Variants in SPATA16 observed in about 807,000 individuals in gnomAD.
SPATA16 encodes spermatogenesis-associated protein 16.
A neutral mutation model predicts 63.3 loss-of-function variants in SPATA16; 36 were observed. The ratio of observed to expected loss-of-function variants is 0.57; its 90% CI spans 0.44 to 0.75. The LOEUF (loss-of-function observed/expected upper bound fraction) is 0.75. Ranked by LOEUF, SPATA16 falls within the 30% of genes least tolerant of loss-of-function variation. The pLI, the probability that SPATA16 is intolerant of heterozygous loss-of-function variation, is 0.00. For missense variants in SPATA16, 646 were observed against 679.3 expected, an observed-to-expected ratio of 0.95 and a Z score of 0.54; for synonymous variants, 203 against 216.7, an observed-to-expected ratio of 0.94 and a Z score of 0.56.
chr3:173,037,545 A>G (rs1013206189), intron 3 of SPATA16, among the ~76,000 whole-genome samples: 1 of 152,086 alleles, frequency 6.6e-6, no homozygotes, highest in Non-Finnish European at 1.5e-5. Flanking sequence ...ATAACTGGTA[A>G]TAACATAAGA....
At chr3:173,067,830 T>C (rs565713589) in intron 2 of SPATA16, among the ~76,000 whole-genome samples, 20 of 151,770 alleles carry the variant, frequency 1.3e-4, no homozygotes, top group African/African-American at 4.3e-4. Flanking sequence ...CTCTCAAAGC[T>C]CAAGGATAAA....
chr3:173,013,474 T>G (rs186478086), intron 4 of SPATA16, among the ~76,000 whole-genome samples: 53 of 152,304 alleles, frequency 3.5e-4, no homozygotes, highest in Non-Finnish European at 1.0e-4. Flanking sequence ...GTCCAAAGAC[T>G]GGGCCCAGAA....
chr3:172,913,537 A>C (rs1732416285), intron 10 of SPATA16, 124 bp downstream of exon 10: 1 of 903,282 alleles, frequency 1.1e-6, no homozygotes, highest in African/African-American at 1.7e-5. Flanking sequence ...ATTTAATTAA[A>C]AAAGGAAAAC....
At chr3:173,035,846 C>G (rs1735704381) in intron 3 of SPATA16, among the ~76,000 whole-genome samples, 1 of 151,872 alleles carries the variant, frequency 6.6e-6, no homozygotes, top group African/African-American at 2.4e-5. Context: ...ACCAATGTTG[C>G]AAAAGCATGG....
chr3:172,980,723 GGA>G (rs1299751554), intron 4 of SPATA16, among the ~76,000 whole-genome samples: 1 of 151,930 alleles, frequency 6.6e-6, no homozygotes, highest in Non-Finnish European at 1.5e-5. Context: ...ATTTTCTCCT[GGA>G]GCTTTTCTGC....
chr3:172,993,982 C>G (rs986407546), intron 4 of SPATA16, among the ~76,000 whole-genome samples: 3 of 152,106 alleles, frequency 2.0e-5, no homozygotes, highest in Non-Finnish European at 2.9e-5. Context: ...TAGGGAAATT[C>G]AAGTCATGGA....
intron 10 of SPATA16, among the ~76,000 whole-genome samples, chr3:172,904,804 G>A (rs893518034): frequency 1.6e-4 from 25 of 152,202 alleles, no homozygotes; most frequent in African/African-American, 5.8e-4. Flanking sequence ...TTCCACAGGC[G>A]AGGCTTGGGC....
chr3:173,063,526 C>T (rs1264348498), intron 2 of SPATA16, among the ~76,000 whole-genome samples: 4 of 152,140 alleles, frequency 2.6e-5, no homozygotes, highest in East Asian at 1.9e-4. Context: ...GGTCAGCCAA[C>T]GTCTATCATG....
At chr3:173,025,070 T>C (rs1045320229) in intron 3 of SPATA16, among the ~76,000 whole-genome samples, 1 of 151,034 alleles carries the variant, frequency 6.6e-6, no homozygotes, top group African/African-American at 2.4e-5. Flanking sequence ...CTTATAACTT[T>C]TACTGTTAAT....
intron 4 of SPATA16, among the ~76,000 whole-genome samples, chr3:173,008,465 A>G (rs1429988216): frequency 2.6e-5 from 4 of 152,136 alleles, no homozygotes; most frequent in African/African-American, 9.7e-5. Flanking sequence ...CTTTAGTTTC[A>G]GAAGATAAAG....
intron 8 of SPATA16, among the ~76,000 whole-genome samples, chr3:172,923,543 A>G (rs1318383040): frequency 6.6e-6 from 1 of 152,186 alleles, no homozygotes; most frequent in Non-Finnish European, 1.5e-5. Context: ...GAAAAATATT[A>G]AAAAAGGAGA....
intron 3 of SPATA16, among the ~76,000 whole-genome samples, chr3:173,028,893 A>G (rs1039861947): frequency 6.6e-6 from 1 of 152,080 alleles, no homozygotes; most frequent in African/African-American, 2.4e-5. Context: ...TCTGGAAAAC[A>G]TAGTGTGTGA....
chr3:172,925,610 G>T, intron 6 of SPATA16, 118 bp from the exon 7 acceptor site: 1 of 1,229,986 alleles, frequency 8.1e-7, no homozygotes, highest in Non-Finnish European at 1.2e-6. Context: ...AAATGTGAAA[G>T]GTATGAAGTA....
chr3:172,966,837 G>T (rs548256681), intron 5 of SPATA16, among the ~76,000 whole-genome samples: 1 of 152,200 alleles, frequency 6.6e-6, no homozygotes, highest in South Asian at 2.1e-4. Flanking sequence ...AAAATTTCAT[G>T]ATTTCATGGA....
In SPATA16 at chr3:173,074,019, C is replaced by A. The variant is rs371398529; in HGVS notation, c.613-24925G>T. On this transcript the variant is annotated intron_variant, in intron 2 of 10. Coordinates refer to ENST00000351008, the MANE Select transcript of SPATA16 (RefSeq NM_031955.6). The stretch of plus-strand genomic sequence containing the variant: ...TTCTGGAGCTTTAAGATTTGACTGC[C>A]CTGCTGGATTTCGGACTTGCATGGG... Among the ~76,000 whole-genome samples, 3 of 152,276 alleles carry A rather than the reference C, an allele frequency of 2.0e-5. No individual in the cohort carries two copies. In the South Asian group the frequency reaches 6.2e-4, roughly 32 times the overall value.
intron 5 of SPATA16, among the ~76,000 whole-genome samples, chr3:172,968,895 A>G (rs1560083134): frequency 1.3e-5 from 2 of 152,232 alleles, no homozygotes; most frequent in Non-Finnish European, 2.9e-5. Context: ...TATAAACAGG[A>G]ATGAATAATT....
chr3:173,028,296 A>G (rs887865463), intron 3 of SPATA16, among the ~76,000 whole-genome samples: 1 of 151,776 alleles, frequency 6.6e-6, no homozygotes, highest in Admixed American at 6.6e-5. Flanking sequence ...GCGAATCATG[A>G]TAACTTTATG....
At chr3:172,962,740 G>A (rs183097800) in intron 5 of SPATA16, among the ~76,000 whole-genome samples, 173 of 149,274 alleles carry the variant, frequency 1.2e-3, no homozygotes, top group African/African-American at 4.0e-3. Context: ...AAAGGAAGCA[G>A]TACTATACTT....
chr3:173,075,383 A>T (rs756513330), intron 2 of SPATA16, among the ~76,000 whole-genome samples: 31 of 152,344 alleles, frequency 2.0e-4, no homozygotes, highest in Admixed American at 3.9e-4. Context: ...TTCCTCAAAC[A>T]ACTAAAAATA....
Sources: allele counts gnomAD v4.1 joint callset (sites outside exome capture counted in the v4.1 genomes callset), GRCh38; gene constraint gnomAD v4.1.1; transcripts MANE v1.5; gene names NCBI Gene and HGNC (gene_info 2026-07-23, HGNC 2026-07-21).